The following RBFOX1 variants were observed in gnomAD, a reference collection of about 807,000 sequenced individuals.
RBFOX1 encodes RNA binding protein fox-1 homolog 1.
A neutral mutation model predicts 57.7 loss-of-function variants in RBFOX1; 8 were observed. The ratio of observed to expected loss-of-function variants is 0.14; its 90% CI spans 0.08 to 0.25. The LOEUF is 0.25. RBFOX1 is among the 10% of genes least tolerant of loss of function. The probability of loss-of-function intolerance (pLI) is 1.00; values close to 1 mark genes in which losing one functional copy is unlikely to be tolerated. For synonymous variants in RBFOX1, 326 were observed against 222.4 expected (o/e 1.47, Z -4.15); for missense variants, 611 against 548.5 (o/e 1.11, Z -1.14).
At chr16:5,474,655 A>C (rs1262363639) in intron 2 of RBFOX1, among the ~76,000 whole-genome samples, 1 of 132,858 alleles carries the variant, frequency 7.5e-6, no homozygotes, top group African/African-American at 3.3e-5. Flanking sequence ...ACTTCGTCTC[A>C]AAAAAAAAAA....
intron 1 of RBFOX1, among the ~76,000 whole-genome samples, chr16:5,248,548 A>G (rs1412769491): frequency 6.6e-6 from 1 of 152,158 alleles, no homozygotes; most frequent in Non-Finnish European, 1.5e-5. Flanking sequence ...CTGACCCTCT[A>G]GACCTCACCA....
intron 4 of RBFOX1, among the ~76,000 whole-genome samples, chr16:7,310,961 G>A (rs72769256): frequency 3.2e-4 from 49 of 152,292 alleles, no homozygotes; most frequent in African/African-American, 4.6e-4. Flanking sequence ...GAAAACTTCC[G>A]CTTGGCCTGC....
chr16:5,559,876 G>T (rs773823167), intron 2 of RBFOX1, among the ~76,000 whole-genome samples: 1 of 150,950 alleles, frequency 6.6e-6, no homozygotes, highest in Non-Finnish European at 1.5e-5. Flanking sequence ...TAACTCTAGC[G>T]TGCTGTACTC....
chr16:6,761,945 C>G (rs1053687986), intron 3 of RBFOX1, among the ~76,000 whole-genome samples: 1 of 152,120 alleles, frequency 6.6e-6, no homozygotes, highest in East Asian at 1.9e-4. Context: ...TTATCTCTGA[C>G]ATTTTTTGTT....
intron 4 of RBFOX1, among the ~76,000 whole-genome samples, chr16:6,005,208 C>T (rs531543887): frequency 5.3e-5 from 8 of 152,196 alleles, no homozygotes; most frequent in African/African-American, 1.9e-4. Flanking sequence ...CAAATGTATT[C>T]GTGGAAAGAG....
intron 1 of RBFOX1, among the ~76,000 whole-genome samples, chr16:5,448,859 G>T (rs1422333375): frequency 1.3e-5 from 2 of 152,160 alleles, no homozygotes; most frequent in Non-Finnish European, 1.5e-5. Context: ...TGTCCTCGAA[G>T]ACATTTTTAT....
intron 4 of RBFOX1, among the ~76,000 whole-genome samples, chr16:7,322,687 T>C (rs2096561349): frequency 6.6e-6 from 1 of 152,112 alleles, no homozygotes; most frequent in Non-Finnish European, 1.5e-5. Flanking sequence ...GCCTCAAAAA[T>C]AAGATTGAGG....
At chr16:5,834,819 T>C (rs11643481) in intron 3 of RBFOX1, among the ~76,000 whole-genome samples, 61,461 of 133,852 alleles carry the variant, frequency 0.46, 13,312 homozygotes, top group East Asian at 0.69. Context: ...GATAGATAGA[T>C]AGACAGACAG....
chr16:6,084,481 C>G (rs1461449818), intron 1 of RBFOX1, among the ~76,000 whole-genome samples: 2 of 152,138 alleles, frequency 1.3e-5, no homozygotes, highest in Non-Finnish European at 2.9e-5. Flanking sequence ...CAGGCTGAAG[C>G]AATTCCTCAG....
intron 1 of RBFOX1, among the ~76,000 whole-genome samples, chr16:6,069,876 A>T (rs781524181): frequency 6.6e-6 from 1 of 152,020 alleles, no homozygotes; most frequent in Admixed American, 6.6e-5. Flanking sequence ...AATCCCAGCT[A>T]TTCGGGAGGC....
Position 5,510,363 on chromosome 16 carries a change from C to T in RBFOX1, c.258+43109C>T, listed in dbSNP as rs73512215. Among the ~76,000 whole-genome samples, 410 of 152,308 alleles carry T rather than the reference C, an allele frequency of 2.7e-3. 3 individuals carry two copies. Among genetic ancestry groups the T allele is most frequent in the African/African-American group, 9.3e-3 (388 of 41,562 alleles). On this transcript the variant is annotated intron_variant, in intron 2 of 2. Transcript: ENST00000585867. ...AGGTCAGGGGGTCTGCCTGGTGTCT[C>T]TGCTTCTTGTGTCTCTCATCCATTT...
intron 1 of RBFOX1, among the ~76,000 whole-genome samples, chr16:5,328,672 A>G (rs938757): frequency 1 from 151,777 of 152,352 alleles, 75,607 homozygotes; most frequent in Middle Eastern, 1. Flanking sequence ...GCCCTGCCAT[A>G]CCCTTTTTGG....
At chr16:6,005,584 T>A (rs1213673174) in intron 4 of RBFOX1, among the ~76,000 whole-genome samples, 1 of 152,212 alleles carries the variant, frequency 6.6e-6, no homozygotes, top group Non-Finnish European at 1.5e-5. Flanking sequence ...ACTGCCTCTG[T>A]GTTGCAGGAT....
At chr16:6,869,066 C>G (rs140556377) in intron 3 of RBFOX1, among the ~76,000 whole-genome samples, 19 of 152,304 alleles carry the variant, frequency 1.2e-4, no homozygotes, top group African/African-American at 4.6e-4. Context: ...AAATAAACTT[C>G]CATTGCTATA....
intron 3 of RBFOX1, among the ~76,000 whole-genome samples, chr16:5,703,919 T>G (rs2051143820): frequency 1.3e-5 from 2 of 152,140 alleles, no homozygotes; most frequent in Admixed American, 1.3e-4. Flanking sequence ...TTACAGAAAT[T>G]TACACTAATC....
chr16:5,432,332 C>G (rs1022035241), intron 1 of RBFOX1, among the ~76,000 whole-genome samples: 2 of 96,534 alleles, frequency 2.1e-5, no homozygotes, highest in African/African-American at 8.8e-5. Context: ...TTGCCGCTAA[C>G]CAAATTAGTC....
chr16:7,167,192 G>C (rs2079743884), intron 4 of RBFOX1, among the ~76,000 whole-genome samples: 1 of 151,248 alleles, frequency 6.6e-6, no homozygotes, highest in Non-Finnish European at 1.5e-5. Context: ...CTCCGTGTTG[G>C]CCAGGCTGGT....
intron 4 of RBFOX1, among the ~76,000 whole-genome samples, chr16:5,884,324 A>T (rs980925110): frequency 6.6e-6 from 1 of 152,150 alleles, no homozygotes; most frequent in African/African-American, 2.4e-5. Context: ...GTGGGTGATT[A>T]AAAAATGATA....
rs151118240 is a variant in RBFOX1, at chr16:6,108,212, C to G, written c.-127+88220C>G. On this transcript the variant is annotated intron_variant, in intron 1 of 15. Coordinates refer to ENST00000550418, the MANE Select transcript of RBFOX1 (RefSeq NM_018723.4). ...ACATGTCTCTGTTGTTTTTTAGACC[C>G]AAGCTTTTTCTCCTTGAGATAAAGA... Among the ~76,000 whole-genome samples the G allele has an allele frequency of 2.1e-3, 316 of 152,176 alleles. 2 individuals are homozygous for G. In the East Asian group the frequency reaches 0.032, roughly 15 times the overall value.
Sources: allele counts gnomAD v4.1 joint callset (sites outside exome capture counted in the v4.1 genomes callset), GRCh38; gene constraint gnomAD v4.1.1; transcripts MANE v1.5; gene names NCBI Gene and HGNC (gene_info 2026-07-23, HGNC 2026-07-21).